The following ZNF248 variants were observed in gnomAD, a reference collection of about 807,000 sequenced individuals.
The protein encoded by ZNF248 is zinc finger protein 248, also known as KRAB protein domain.
Under a neutral mutation model 44.3 loss-of-function variants are expected in ZNF248, and 20 were observed. The ratio of observed to expected loss-of-function variants is 0.45; its 90% CI spans 0.32 to 0.66. The LOEUF is 0.66. Among genes scored for constraint, ZNF248 ranks in the 30% least tolerant of loss-of-function variants. The pLI is 0.04. For synonymous variants in ZNF248, 224 were observed against 229.0 expected, an observed-to-expected ratio of 0.98 and a Z score of 0.20; for missense variants, 654 against 677.0, an observed-to-expected ratio of 0.97 and a Z score of 0.38.
chr10:37,801,647 T>C (rs1161995151), intron 6 of ZNF248, among the ~76,000 whole-genome samples: 1 of 152,084 alleles, frequency 6.6e-6, no homozygotes, highest in Admixed American at 6.5e-5. Flanking sequence ...ATATAGGATA[T>C]ATAAGCTCAT....
the ZNF248 span, among the ~76,000 whole-genome samples, chr10:37,767,115 G>C: frequency 6.6e-6 from 1 of 152,150 alleles, no homozygotes; most frequent in Non-Finnish European, 1.5e-5. Context: ...CAAGAAATAT[G>C]GGACTAGGTG....
At chr10:37,786,898 G>A (rs1001607050) in intron 6 of ZNF248, among the ~76,000 whole-genome samples, 3 of 151,766 alleles carry the variant, frequency 2.0e-5, no homozygotes, top group African/African-American at 7.3e-5. Flanking sequence ...TTTTTCCTTT[G>A]GTAGCTCATG....
chr10:37,770,172 C>G, the ZNF248 span, among the ~76,000 whole-genome samples: 2 of 152,162 alleles, frequency 1.3e-5, no homozygotes, highest in Non-Finnish European at 2.9e-5. Flanking sequence ...TAGGAAGAAT[C>G]AATATTGTGA....
chr10:37,856,729 G>C, intron 1 of ZNF248, 197 bp from the exon 2 acceptor site: 1 of 988,862 alleles, frequency 1.0e-6, no homozygotes, highest in Non-Finnish European at 1.2e-6. Flanking sequence ...TAAAAAAAGG[G>C]ATAGGATGTT....
At chr10:37,815,334 GATTAT>G (rs1406451634) in intron 6 of ZNF248, among the ~76,000 whole-genome samples, 1 of 152,164 alleles carries the variant, frequency 6.6e-6, no homozygotes, top group Non-Finnish European at 1.5e-5. Context: ...AAAGTGCTGG[GATTAT>G]AGTCATAAGC....
At chr10:37,826,597 T>C (rs2054430809), downstream of ZNF248, among the ~76,000 whole-genome samples, 1 of 152,216 alleles carries the variant, frequency 6.6e-6, no homozygotes, top group South Asian at 2.1e-4. Flanking sequence ...ACTGTAATAA[T>C]GTCACAATAA....
At chr10:37,827,702 G>A (rs571530406), downstream of ZNF248, among the ~76,000 whole-genome samples, 4 of 152,180 alleles carry the variant, frequency 2.6e-5, no homozygotes, top group Non-Finnish European at 4.4e-5. Context: ...GAAAAGGAGA[G>A]ATATGATGAA....
chr10:37,806,319 T>A (rs2050559014), intron 6 of ZNF248, among the ~76,000 whole-genome samples: 2 of 152,172 alleles, frequency 1.3e-5, no homozygotes, highest in Admixed American at 1.3e-4. Flanking sequence ...CATTTTACAT[T>A]CCTATCAACA....
intron 6 of ZNF248, among the ~76,000 whole-genome samples, chr10:37,808,881 TC>T (rs2051026554): frequency 1.3e-5 from 2 of 152,116 alleles, no homozygotes; most frequent in African/African-American, 4.8e-5. Flanking sequence ...AGTTTTTTTT[TC>T]ATTACTGATG....
intron 6 of ZNF248, among the ~76,000 whole-genome samples, chr10:37,818,366 T>C (rs1422135023): frequency 1.3e-5 from 2 of 152,158 alleles, no homozygotes; most frequent in Non-Finnish European, 2.9e-5. Context: ...ACAGTGGCCA[T>C]TGACGCCAGA....
intron 3 of ZNF248, among the ~76,000 whole-genome samples, chr10:37,855,540 AAAGAT>A (rs1361212090): frequency 1.3e-5 from 2 of 152,230 alleles, no homozygotes; most frequent in Non-Finnish European, 2.9e-5. Flanking sequence ...AGCAAAAAGA[AAAGAT>A]GCCTTCATGA....
chr10:37,828,670 T>C (rs746940510), downstream of ZNF248: 97 of 985,082 alleles, frequency 9.8e-5, no homozygotes, highest in East Asian at 1.1e-4. Context: ...AAAAGTTGCA[T>C]TGAGCAGTCA....
chr10:37,822,887 G>A (rs1312498802), intron 6 of ZNF248, among the ~76,000 whole-genome samples: 1 of 152,148 alleles, frequency 6.6e-6, no homozygotes, highest in Admixed American at 6.5e-5. Flanking sequence ...TGATCAAGAT[G>A]TTTACATGTT....
chr10:37,844,979 C>CCTCCCCT (rs1283062730), intron 3 of ZNF248, among the ~76,000 whole-genome samples: 34 of 137,686 alleles, frequency 2.5e-4, no homozygotes, highest in Non-Finnish European at 4.7e-4. Flanking sequence ...TTCCCCTTTC[C>CCTCCCCT]TTTCCCCTTC....
chr10:37,819,357 C>A, intron 6 of ZNF248: 4 of 1,222,832 alleles, frequency 3.3e-6, no homozygotes, highest in Non-Finnish European at 4.8e-6. Context: ...CTGGGATGAT[C>A]CAGTTCTTTA....
chr10:37,834,084 C>A (rs970568164), intron 5 of ZNF248, among the ~76,000 whole-genome samples: 1 of 151,994 alleles, frequency 6.6e-6, no homozygotes, highest in African/African-American at 2.4e-5. Context: ...AACATTTTAT[C>A]CTTATCTCTC....
chr10:37,819,634 C>G (rs1398345542), intron 6 of ZNF248: 5 of 815,452 alleles, frequency 6.1e-6, no homozygotes, highest in Non-Finnish European at 1.1e-5. Context: ...CCCTTTCTAG[C>G]CTTTCCAGCT....
At chr10:37,855,655 T>C (rs1427851883) in intron 3 of ZNF248, among the ~76,000 whole-genome samples, 1 of 152,192 alleles carries the variant, frequency 6.6e-6, no homozygotes, top group East Asian at 1.9e-4. Context: ...TGGTTAACAA[T>C]ATATGCAGCA....
chr10:37,762,972 C>T, the ZNF248 span, among the ~76,000 whole-genome samples: 66 of 152,194 alleles, frequency 4.3e-4, no homozygotes, highest in African/African-American at 1.5e-3. Flanking sequence ...CTAACAAAAA[C>T]ACTGTTGGGC....
Sources: gnomAD v4.1 joint callset for allele counts (sites outside exome capture counted in the v4.1 genomes callset) on GRCh38, gnomAD v4.1.1 for gene constraint, MANE v1.5 for transcripts, NCBI Gene and HGNC (gene_info 2026-07-23, HGNC 2026-07-21) for gene names.